Variants in TCOF1 observed in about 807,000 individuals in gnomAD.
TCOF1 encodes treacle protein.
In TCOF1, 33 loss-of-function variants were observed where a neutral mutation model predicts 149.0. That is an observed-to-expected ratio of 0.22 (90% CI 0.17 to 0.30). TCOF1 has a LOEUF of 0.30. Among genes scored for constraint, TCOF1 ranks in the 10% least tolerant of loss-of-function variants. The pLI is 1.00. For missense variants in TCOF1, 1,728 were observed against 1,840.7 expected (o/e 0.94, Z 1.12); for synonymous variants, 789 against 738.8 (o/e 1.07, Z -1.10).
chr5:150,368,621 C>G, intron 4 of TCOF1, 95 bp from the exon 5 acceptor site: 2 of 1,456,844 alleles, frequency 1.4e-6, no homozygotes, highest in Admixed American at 3.4e-5. Context: ...ACTCACACAG[C>G]TAAGAAGTGG....
At position 150,391,568 on chromosome 5, in the gene TCOF1, C is replaced by G; in HGVS notation, c.3208C>G (p.Leu1070Val). The change falls in exon 20 of 27, where the codon CTC (leucine) becomes GTC (valine). Residue 1070 changes from leucine (L) to valine (V), a missense_variant. Coordinates refer to ENST00000643257, the MANE Select transcript of TCOF1 (RefSeq NM_001371623.1). ...TQVSKKNPAS[L>V]PLTQAALKVL... ...GGTGTCAAAGAAGAACCCAGCTTCCCTCCCACTGACCCAGGCTGCCCTGAA... is the reference window on the plus strand; with the variant it reads ...GGTGTCAAAGAAGAACCCAGCTTCCGTCCCACTGACCCAGGCTGCCCTGAA... 1 of 1,614,138 alleles carries G rather than the reference C, an allele frequency of 6.2e-7. No homozygotes were observed. Among genetic ancestry groups the G allele is most frequent in the Non-Finnish European group, 8.5e-7 (1 of 1,180,028 alleles).
At chr5:150,376,362 G>C (rs1166941377) in intron 13 of TCOF1, 32 bp downstream of exon 13, 3 of 1,614,086 alleles carry the variant, frequency 1.9e-6, no homozygotes, top group Non-Finnish European at 2.5e-6. Context: ...CGGGCCTCAG[G>C]GCCGCCCCTA....
At chr5:150,393,069 G>A (rs1403554679) in intron 22 of TCOF1, 2 of 589,494 alleles carry the variant, frequency 3.4e-6, no homozygotes, top group Non-Finnish European at 6.0e-6. Flanking sequence ...ACATTCTTTA[G>A]CAGATTTATT....
At position 150,378,912 on chromosome 5, in the gene TCOF1, C is replaced by T. The variant is rs1410160394; in HGVS notation, c.2348C>T (p.Thr783Ile). The change falls in exon 15 of 27, where the codon ACC becomes ATC. Residue 783 changes from threonine (T) to isoleucine (I), a missense_variant. Transcript: ENST00000643257. Reference sequence around the variant, plus strand: ...TCCCTTTTCTCCACTCAGGTGAAAACCTCAGTAAAGAAAACCCAGGCCAAA... The same window carrying T: ...TCCCTTTTCTCCACTCAGGTGAAAATCTCAGTAAAGAAAACCCAGGCCAAA... ...EAAASPAQVK[T>I]SVKKTQAKAN... 2 of 1,614,086 alleles carry T rather than the reference C, an allele frequency of 1.2e-6. No individual in the cohort carries two copies. The highest frequency in any genetic ancestry group is 1.7e-6 in the Non-Finnish European group (2 of 1,180,040).
chr5:150,374,709 G>A lies in TCOF1; in HGVS notation c.1176G>A (p.Gly392=), dbSNP rs1763323332. ...AAGGAGCTGCCCCAGCGCCCCCTGGGAAGACAGGGCCTGCAGTTGCCAAGG... is the reference window on the plus strand; with the variant it reads ...AAGGAGCTGCCCCAGCGCCCCCTGGAAAGACAGGGCCTGCAGTTGCCAAGG... ...PRKGAAPAPP[G]KTGPAVAKAQ... Residue 392 remains glycine, a synonymous_variant, in exon 9 of 27, where the codon GGG becomes GGA. Coordinates refer to ENST00000643257, the MANE Select transcript of TCOF1 (RefSeq NM_001371623.1). 1.2e-6 allele frequency: 2 copies of A among 1,613,514 alleles called. No individual in the cohort carries two copies. Among genetic ancestry groups the A allele is most frequent in the Non-Finnish European group, 1.7e-6 (2 of 1,179,844 alleles).
At chr5:150,392,652 C>T in intron 21 of TCOF1, 53 bp from the exon 22 acceptor site, 1 of 1,596,562 alleles carries the variant, frequency 6.3e-7, no homozygotes, top group Non-Finnish European at 8.6e-7. Context: ...CTCTGCCCTT[C>T]CCGGCTGGCA....
At chr5:150,392,621 G>C in intron 21 of TCOF1, 84 bp from the exon 22 acceptor site, 1 of 1,398,494 alleles carries the variant, frequency 7.2e-7, no homozygotes, top group South Asian at 1.2e-5. Flanking sequence ...CCTGCAGAGA[G>C]ACCAGGGCCT....
At chr5:150,362,147 A>T (rs545268635) in intron 2 of TCOF1, among the ~76,000 whole-genome samples, 1 of 152,312 alleles carries the variant, frequency 6.6e-6, no homozygotes, top group African/African-American at 2.4e-5. Flanking sequence ...TAACTTGTGT[A>T]CCCATGCATA....
At chr5:150,392,977 TC>T in intron 22 of TCOF1, 187 bp downstream of exon 22, 1 of 711,546 alleles carries the variant, frequency 1.4e-6, no homozygotes, top group Non-Finnish European at 2.4e-6. Context: ...GCTGCCTCCG[TC>T]CCCTCATAGA....
chr5:150,391,666 G>C lies in TCOF1; in HGVS notation c.3297+9G>C. 1 of 1,611,112 alleles carries C rather than the reference G, an allele frequency of 6.2e-7. No homozygotes were observed. On this transcript the variant is annotated intron_variant, in intron 20 of 26. Transcript: ENST00000643257. ...CCCAGCCTTCAAGTGGGGTGAGCTT[G>C]GGGAGCCAGGGGAAGCAAGCCCACG...
intron 5 of TCOF1, 115 bp from the exon 6 acceptor site, chr5:150,369,414 G>T: frequency 8.4e-7 from 1 of 1,193,552 alleles, no homozygotes. Context: ...GGCACACGAG[G>T]GGTGAGCGCT....
rs1763354837 is a variant in TCOF1, at chr5:150,374,797, G to A, written c.1264G>A (p.Glu422Lys). ...CAGCGAGGAATCGGACAGTGAGGAGGAGGCGCCTGCTCAGGTGAGGCAGAG... is the reference window on the plus strand; with the variant it reads ...CAGCGAGGAATCGGACAGTGAGGAGAAGGCGCCTGCTCAGGTGAGGCAGAG... ...SSSEESDSEE[E>K]APAQAKPSGK... Residue 422 changes from glutamate to lysine, a missense_variant, in exon 9 of 27, where the codon GAG (glutamate) becomes AAG (lysine). Transcript: ENST00000643257. 1 of 1,610,396 alleles carries A rather than the reference G, an allele frequency of 6.2e-7. No individual in the cohort carries two copies. Among genetic ancestry groups the A allele is most frequent in the Non-Finnish European group, 8.5e-7 (1 of 1,178,386 alleles).
chr5:150,388,682 A>G (rs1040857313), intron 18 of TCOF1, among the ~76,000 whole-genome samples: 2 of 152,242 alleles, frequency 1.3e-5, no homozygotes, highest in Non-Finnish European at 2.9e-5. Context: ...TCACGCCTAT[A>G]ATCCTAGCTC....
intron 17 of TCOF1, among the ~76,000 whole-genome samples, chr5:150,381,880 C>G (rs1018698258): frequency 6.6e-6 from 1 of 152,168 alleles, no homozygotes; most frequent in Non-Finnish European, 1.5e-5. Flanking sequence ...ATGGTCATAG[C>G]AGGGCTGCAG....
chr5:150,396,952 G>A lies in TCOF1; in HGVS notation c.4345+110G>A, dbSNP rs1768671027. ...TCATTCCTCCCATGTAGAAAAGAGAGGCTGAGACCAGCCTGGCCAACATGG... is the reference window on the plus strand; with the variant it reads ...TCATTCCTCCCATGTAGAAAAGAGAAGCTGAGACCAGCCTGGCCAACATGG... On this transcript the variant is annotated intron_variant, in intron 24 of 26. Coordinates refer to ENST00000643257, the MANE Select transcript of TCOF1 (RefSeq NM_001371623.1). 6 of 1,320,144 alleles carry A rather than the reference G, an allele frequency of 4.5e-6. No individual in the cohort carries two copies. In the South Asian group the frequency reaches 6.5e-5, roughly 14 times the overall value. The allele number at this position is 1,320,144 out of a possible 1,614,324, so 81.8% of individuals were successfully genotyped here.
chr5:150,379,201 C>G (rs758468766), intron 15 of TCOF1, 28 bp from the exon 16 acceptor site: 109 of 1,614,028 alleles, frequency 6.8e-5, no homozygotes, highest in Admixed American at 1.0e-4. Context: ...ACTTTTGCCT[C>G]CAATACTATT....
intron 17 of TCOF1, among the ~76,000 whole-genome samples, chr5:150,381,638 A>G (rs954938981): frequency 6.6e-6 from 1 of 152,258 alleles, no homozygotes; most frequent in African/African-American, 2.4e-5. Context: ...ACTAAGACAT[A>G]GGCCCCGGCC....
chr5:150,385,322 G>A (rs1434617423), intron 17 of TCOF1, among the ~76,000 whole-genome samples: 1 of 152,222 alleles, frequency 6.6e-6, no homozygotes, highest in Non-Finnish European at 1.5e-5. Flanking sequence ...TCTAGAAGGA[G>A]CTCCAGTCTG....
chr5:150,367,508 G>A (rs1217029350), intron 3 of TCOF1: 2 of 361,964 alleles, frequency 5.5e-6, no homozygotes, highest in Non-Finnish European at 1.1e-5. Flanking sequence ...TGTGAATGGT[G>A]CCCATTGCAG....
Sources: allele counts gnomAD v4.1 joint callset (sites outside exome capture counted in the v4.1 genomes callset), GRCh38; gene constraint gnomAD v4.1.1; transcripts MANE v1.5; gene names NCBI Gene and HGNC (gene_info 2026-07-23, HGNC 2026-07-21).